FAM184B: variants seen among roughly 807,000 people sequenced by gnomAD.
FAM184B encodes the protein family with sequence similarity 184 member B, also known as protein FAM184B.
In FAM184B, 111 loss-of-function variants were observed where a neutral mutation model predicts 135.9. The observed-to-expected ratio is 0.82, with a 90% CI of 0.70 to 0.96. FAM184B has a LOEUF of 0.96. Ranked by LOEUF, FAM184B falls within the 40% of genes least tolerant of loss-of-function variation. The probability of loss-of-function intolerance (pLI) is 0.00; values close to 1 mark genes in which losing one functional copy is unlikely to be tolerated. For synonymous variants in FAM184B, 552 were observed against 524.8 expected, an observed-to-expected ratio of 1.05 and a Z score of -0.71; for missense variants, 1,375 against 1,323.9, an observed-to-expected ratio of 1.04 and a Z score of -0.60.
intron 17 of FAM184B, 23 bp downstream of exon 17, chr4:17,633,666 C>T (rs1715033128): frequency 6.7e-7 from 1 of 1,486,692 alleles, no homozygotes; most frequent in African/African-American, 1.4e-5. Context: ...AATAAGGGCC[C>T]CTGTCCCCAA....
In FAM184B at chr4:17,709,200, C is replaced by T. The variant is rs1175141166; in HGVS notation, c.586G>A (p.Val196Ile). ...EPGQGPEMQE[V>I]LLEVQRLRVE... ...CGCAGCCGCTGCACCTCTAGCAGGA[C>T]CTCCTGCATCTCCGGGCCCTGGCCT... Residue 196 changes from valine (V) to isoleucine (I), a missense_variant, in exon 2 of 18, where the codon GTC becomes ATC. By Grantham distance (29) the Val-to-Ile change is conservative. Coordinates refer to ENST00000265018, the MANE Select transcript of FAM184B (RefSeq NM_015688.2). 1.3e-6 allele frequency: 2 copies of T among 1,548,142 alleles called. No individual in the cohort carries two copies. Among genetic ancestry groups the T allele is most frequent in the Admixed American group, 3.9e-5 (2 of 50,946 alleles).
intron 8 of FAM184B, 46 bp from the exon 9 acceptor site, chr4:17,660,133 G>T (rs1275774461): frequency 6.5e-7 from 1 of 1,544,424 alleles, no homozygotes; most frequent in Non-Finnish European, 8.8e-7. Flanking sequence ...CTAGGGCTAG[G>T]AATGACACTG....
intron 7 of FAM184B, 109 bp from the exon 8 acceptor site, chr4:17,664,768 G>T: frequency 1.1e-6 from 1 of 896,210 alleles, no homozygotes; most frequent in Non-Finnish European, 1.7e-6. Flanking sequence ...AGAAGAGGGA[G>T]CCCCCAGCAA....
Position 17,728,821 on chromosome 4 carries a change from C to T in FAM184B, c.142-19177G>A, listed in dbSNP as rs145998915. On this transcript the variant is annotated intron_variant, in intron 1 of 17. Coordinates refer to ENST00000265018, the MANE Select transcript of FAM184B (RefSeq NM_015688.2). ...TCTGGTCTACAGCTCCCAGCGTGAG[C>T]GACACAGAAGACAGGTGATTTCTGC... Among the ~76,000 whole-genome samples the T allele has an allele frequency of 4.5e-3, 687 of 152,252 alleles. 23 individuals are homozygous for T. The East Asian group carries it at 0.083, about 18-fold the overall frequency.
intron 5 of FAM184B, among the ~76,000 whole-genome samples, chr4:17,701,606 G>A (rs1164826443): frequency 6.6e-6 from 1 of 152,160 alleles, no homozygotes; most frequent in Non-Finnish European, 1.5e-5. Flanking sequence ...GCTTGAGCAT[G>A]GGCACATGAC....
chr4:17,745,385 T>C (rs1332231806), intron 1 of FAM184B, among the ~76,000 whole-genome samples: 2 of 152,152 alleles, frequency 1.3e-5, no homozygotes, highest in South Asian at 2.1e-4. Context: ...CAAAGCTTGA[T>C]TTCCCCCTGC....
rs199549580 is a variant in FAM184B, at chr4:17,632,043, ATTTTTTTT to A, written c.*481_*488del. The stretch of plus-strand genomic sequence containing the variant: ...TTTTAATAACACTGGTTTAATGTCA[ATTTTTTTT>A]TTTTTTTTTTTTTTTTTTTTTTTTT... On this transcript the variant is annotated 3_prime_UTR_variant, in exon 18 of 18. Transcript: ENST00000265018. 26 of 117,592 alleles carry A rather than the reference ATTTTTTTT, an allele frequency of 2.2e-4. No individual in the cohort carries two copies. Among genetic ancestry groups the A allele is most frequent in the South Asian group, 2.8e-4 (1 of 3,612 alleles). The allele number at this position is 117,592 out of a possible 1,614,324, so 7.3% of individuals were successfully genotyped here.
chr4:17,667,118 C>T (rs546899583), intron 7 of FAM184B, among the ~76,000 whole-genome samples: 3 of 152,044 alleles, frequency 2.0e-5, no homozygotes, highest in Non-Finnish European at 4.4e-5. Flanking sequence ...ACCCACCATG[C>T]CTGGGTACTT....
chr4:17,696,404 A>G (rs1716859566), intron 5 of FAM184B, among the ~76,000 whole-genome samples: 1 of 152,184 alleles, frequency 6.6e-6, no homozygotes, highest in Non-Finnish European at 1.5e-5. Flanking sequence ...AGGAAAACCC[A>G]TGTTTAAGCT....
chr4:17,722,653 C>T (rs529010899), intron 1 of FAM184B, among the ~76,000 whole-genome samples: 6 of 152,208 alleles, frequency 3.9e-5, no homozygotes, highest in South Asian at 2.1e-4. Context: ...AGAGCCCCAC[C>T]GTCTACAGGC....
At chr4:17,665,547 C>T (rs908214163) in intron 7 of FAM184B, among the ~76,000 whole-genome samples, 2 of 152,000 alleles carry the variant, frequency 1.3e-5, no homozygotes, top group Non-Finnish European at 2.9e-5. Flanking sequence ...TTTTTTGGAC[C>T]TGAGTTTCAT....
intron 9 of FAM184B, among the ~76,000 whole-genome samples, chr4:17,659,332 C>G (rs998094389): frequency 1.3e-5 from 2 of 151,986 alleles, no homozygotes; most frequent in Admixed American, 6.6e-5. Flanking sequence ...GTCTTGAACT[C>G]CTAGGCTCAA....
At chr4:17,679,372 C>T (rs933580444) in intron 7 of FAM184B, among the ~76,000 whole-genome samples, 3 of 152,074 alleles carry the variant, frequency 2.0e-5, no homozygotes, top group Admixed American at 2.0e-4. Context: ...CATGAATAGA[C>T]AATTCTCAAA....
intron 5 of FAM184B, among the ~76,000 whole-genome samples, chr4:17,704,448 T>A (rs73800352): frequency 1.5e-4 from 23 of 152,328 alleles, no homozygotes; most frequent in Middle Eastern, 3.4e-3. Context: ...TCCTAGGCAC[T>A]AGGATACGCC....
intron 1 of FAM184B, among the ~76,000 whole-genome samples, chr4:17,765,964 G>A (rs1025329169): frequency 3.9e-5 from 6 of 151,958 alleles, no homozygotes; most frequent in Non-Finnish European, 5.9e-5. Context: ...CCTTCTGTCC[G>A]GGGTTATTCA....
At chr4:17,752,277 G>A (rs527401599) in intron 1 of FAM184B, among the ~76,000 whole-genome samples, 4 of 152,242 alleles carry the variant, frequency 2.6e-5, no homozygotes, top group Admixed American at 1.3e-4. Flanking sequence ...TTTTGATCCC[G>A]TGTCTGACAT....
At chr4:17,680,684 T>G (rs1310353704) in intron 7 of FAM184B, among the ~76,000 whole-genome samples, 2 of 152,174 alleles carry the variant, frequency 1.3e-5, no homozygotes, top group Non-Finnish European at 2.9e-5. Flanking sequence ...TGGGTATGAA[T>G]AGTGTGCACG....
chr4:17,719,689 AC>A (rs1717474469), intron 1 of FAM184B, among the ~76,000 whole-genome samples: 1 of 152,116 alleles, frequency 6.6e-6, no homozygotes, highest in African/African-American at 2.4e-5. Context: ...CTTTATTTTA[AC>A]CCCACATTCT....
At chr4:17,652,718 G>GGCCTGTGAGCCTGAGATTCCCGGAGCCA (rs1715654313) in intron 11 of FAM184B, 112 bp downstream of exon 11, 2 of 1,263,364 alleles carry the variant, frequency 1.6e-6, no homozygotes, top group Admixed American at 2.6e-5. Flanking sequence ...TCCCGGAGCC[G>GGCCTGTGAGCCTGAGATTCCCGGAGCCA]TGGCCTGTGA....
Sources: gnomAD v4.1 joint callset for allele counts (sites outside exome capture counted in the v4.1 genomes callset) on GRCh38, gnomAD v4.1.1 for gene constraint, MANE v1.5 for transcripts, NCBI Gene and HGNC (gene_info 2026-07-23, HGNC 2026-07-21) for gene names.